Variants in SYT14 observed in about 807,000 individuals in gnomAD.
The protein encoded by SYT14 is synaptotagmin-14.
Under a neutral mutation model 74.2 loss-of-function variants are expected in SYT14, and 32 were observed. The observed-to-expected ratio is 0.43, with a 90% CI of 0.33 to 0.58. SYT14 has a LOEUF of 0.58. Ranked by LOEUF, SYT14 falls within the 20% of genes least tolerant of loss-of-function variation. SYT14 has a pLI of 0.05. For synonymous variants in SYT14, 298 were observed against 337.7 expected, an observed-to-expected ratio of 0.88 and a Z score of 1.29; for missense variants, 791 against 981.8, an observed-to-expected ratio of 0.81 and a Z score of 2.60.
At chr1:210,167,019 TAATA>T (rs763580516) in exon 10 of SYT14, 3 of 152,330 alleles carry the variant, frequency 2.0e-5, no homozygotes, top group South Asian at 4.1e-4. Flanking sequence ...TTTCTTGGTA[TAATA>T]AATATGTTGA....
At chr1:209,976,117 G>A (rs2079358246) in intron 2 of SYT14, among the ~76,000 whole-genome samples, 1 of 151,972 alleles carries the variant, frequency 6.6e-6, no homozygotes, top group South Asian at 2.1e-4. Flanking sequence ...AGTCTTGCTA[G>A]CGGTTTATCA....
intron 2 of SYT14, among the ~76,000 whole-genome samples, chr1:209,987,759 G>A (rs777056232): frequency 4.6e-5 from 7 of 152,128 alleles, no homozygotes; most frequent in Admixed American, 6.6e-5. Flanking sequence ...TAGATTAGCG[G>A]CTTTTATTCT....
exon 10 of SYT14, chr1:210,161,068 A>T (rs958088151): frequency 3.7e-6 from 6 of 1,609,098 alleles, no homozygotes; most frequent in Non-Finnish European, 5.1e-6. Context: ...AGCAGTTACC[A>T]TCAAAGGCAG....
At chr1:210,056,242 A>T (rs2081094064) in intron 5 of SYT14, among the ~76,000 whole-genome samples, 1 of 152,058 alleles carries the variant, frequency 6.6e-6, no homozygotes, top group Non-Finnish European at 1.5e-5. Context: ...TTTCAGTGAA[A>T]CTGTGGGTGA....
intron 1 of SYT14, among the ~76,000 whole-genome samples, chr1:209,942,042 C>T (rs1408216834): frequency 6.6e-6 from 1 of 152,124 alleles, no homozygotes; most frequent in Non-Finnish European, 1.5e-5. Context: ...CCACTGTAGG[C>T]CTAACTACGT....
At chr1:210,106,003 T>C (rs1242007237) in intron 7 of SYT14, among the ~76,000 whole-genome samples, 2 of 152,194 alleles carry the variant, frequency 1.3e-5, no homozygotes, top group Admixed American at 1.3e-4. Context: ...CAATTAAACG[T>C]CTTTTCTTTA....
At chr1:210,053,512 A>G (rs1358731785) in intron 5 of SYT14, among the ~76,000 whole-genome samples, 3 of 152,224 alleles carry the variant, frequency 2.0e-5, no homozygotes, top group Non-Finnish European at 2.9e-5. Flanking sequence ...AGATAACCCT[A>G]TTAAGTCTAT....
intron 1 of SYT14, among the ~76,000 whole-genome samples, chr1:209,942,856 T>C (rs1056985392): frequency 2.0e-5 from 3 of 152,188 alleles, no homozygotes; most frequent in Non-Finnish European, 4.4e-5. Context: ...CTTCTCTGGG[T>C]AACATTTTTT....
rs1441698120 is a variant in SYT14, at chr1:209,954,867, G to A, written c.-486+2111G>A. On this transcript the variant is annotated intron_variant, in intron 2 of 9. Transcript: ENST00000637265. ...ATTACAGGCGCATGCCACCATGCCC[G>A]GCTAATTTTTCTATTTTTAGTAGAG... Among the ~76,000 whole-genome samples, 5 of 151,850 alleles carry A rather than the reference G, an allele frequency of 3.3e-5. No individual in the cohort carries two copies. In the East Asian group the frequency reaches 5.8e-4, roughly 18 times the overall value.
At chr1:210,095,406 A>G (rs1558185549) in intron 6 of SYT14, among the ~76,000 whole-genome samples, 1 of 152,158 alleles carries the variant, frequency 6.6e-6, no homozygotes, top group East Asian at 1.9e-4. Context: ...GGTGTGCACC[A>G]CCACACCCAC....
chr1:210,157,071 A>G (rs2083284132), intron 8 of SYT14, among the ~76,000 whole-genome samples: 1 of 152,104 alleles, frequency 6.6e-6, no homozygotes, highest in Admixed American at 6.6e-5. Flanking sequence ...TGAAATAATA[A>G]TGCCACTTTA....
At chr1:210,098,592 C>T (rs1309103089) in intron 6 of SYT14, among the ~76,000 whole-genome samples, 3 of 151,982 alleles carry the variant, frequency 2.0e-5, no homozygotes, top group Non-Finnish European at 4.4e-5. Context: ...ATGTTTCACA[C>T]GTAAATTATT....
intron 5 of SYT14, among the ~76,000 whole-genome samples, chr1:210,059,260 G>A (rs1465598574): frequency 1.3e-5 from 2 of 151,438 alleles, no homozygotes; most frequent in Admixed American, 1.3e-4. Context: ...TAAAACATAA[G>A]GATTAGAATA....
chr1:209,955,979 T>C (rs942964710), intron 2 of SYT14, among the ~76,000 whole-genome samples: 27 of 152,342 alleles, frequency 1.8e-4, no homozygotes, highest in African/African-American at 6.3e-4. Context: ...TAATCAATAT[T>C]GTTTGCAGTA....
chr1:210,162,125 G>C (rs1353768158), exon 10 of SYT14: 2 of 437,038 alleles, frequency 4.6e-6, no homozygotes, highest in Non-Finnish European at 9.3e-6. Context: ...AGTTTGAATT[G>C]GAACATCATG....
At chr1:210,062,882 GTGTGTA>G (rs1354141525) in intron 5 of SYT14, among the ~76,000 whole-genome samples, 1 of 151,624 alleles carries the variant, frequency 6.6e-6, no homozygotes, top group African/African-American at 2.4e-5. Context: ...TATATATGCT[GTGTGTA>G]TGCATGTATA....
chr1:210,094,495 C>T (rs773594410), exon 6 of SYT14: 1 of 1,613,802 alleles, frequency 6.2e-7, no homozygotes, highest in South Asian at 1.1e-5. Flanking sequence ...TAACAAGTGC[C>T]CAAGTGAAGG....
At chr1:209,976,609 G>A (rs1203911474) in intron 2 of SYT14, among the ~76,000 whole-genome samples, 2 of 151,458 alleles carry the variant, frequency 1.3e-5, no homozygotes, top group Non-Finnish European at 3.0e-5. Context: ...TTGCTGAGGA[G>A]TCCTTTACTT....
chr1:210,115,652 A>AG (rs1246616966), intron 7 of SYT14, among the ~76,000 whole-genome samples: 1 of 151,324 alleles, frequency 6.6e-6, no homozygotes, highest in Non-Finnish European at 1.5e-5. Context: ...AAAGAGGTTG[A>AG]GGGATAGTGA....
Sources: allele counts gnomAD v4.1 joint callset (sites outside exome capture counted in the v4.1 genomes callset), GRCh38; gene constraint gnomAD v4.1.1; transcripts MANE v1.5; gene names NCBI Gene and HGNC (gene_info 2026-07-23, HGNC 2026-07-21).